Variants in RBFOX1 observed in about 807,000 individuals in gnomAD.
The protein encoded by RBFOX1 is RNA binding protein fox-1 homolog 1.
In RBFOX1, 8 loss-of-function variants were observed where a neutral mutation model predicts 57.7. The observed-to-expected ratio is 0.14, with a 90% confidence interval of 0.08 to 0.25. The LOEUF (loss-of-function observed/expected upper bound fraction) is 0.25, where lower values mean the gene tolerates loss of function less well. RBFOX1 is among the 10% of genes least tolerant of loss of function. RBFOX1 has a pLI of 1.00. For synonymous variants in RBFOX1, 326 were observed against 222.4 expected (o/e 1.47, Z -4.15); for missense variants, 611 against 548.5 (o/e 1.11, Z -1.14).
intron 4 of RBFOX1, among the ~76,000 whole-genome samples, chr16:7,070,111 G>T (rs2057013033): frequency 6.6e-6 from 1 of 152,110 alleles, no homozygotes. Flanking sequence ...TTATTGAATA[G>T]GTTTGCAAGC....
At chr16:6,813,361 C>A (rs1237838251) in intron 3 of RBFOX1, among the ~76,000 whole-genome samples, 4 of 152,158 alleles carry the variant, frequency 2.6e-5, no homozygotes, top group Non-Finnish European at 5.9e-5. Flanking sequence ...TCAGAAGCTG[C>A]TGCTTGTTGC....
At chr16:5,791,194 C>T (rs1395344278) in intron 3 of RBFOX1, among the ~76,000 whole-genome samples, 1 of 152,068 alleles carries the variant, frequency 6.6e-6, no homozygotes, top group African/African-American at 2.4e-5. Context: ...TCACGCATGA[C>T]TCAGCTAGAT....
chr16:7,703,559 G>C (rs775097799), intron 14 of RBFOX1, among the ~76,000 whole-genome samples: 3 of 152,174 alleles, frequency 2.0e-5, no homozygotes, highest in African/African-American at 7.2e-5. Context: ...AAATTAATTA[G>C]TGTTCTTACT....
At chr16:6,871,227 C>G (rs770182281) in intron 3 of RBFOX1, among the ~76,000 whole-genome samples, 2 of 152,170 alleles carry the variant, frequency 1.3e-5, no homozygotes, top group Non-Finnish European at 2.9e-5. Context: ...GCTCTGTCCC[C>G]CAGGCTGGAG....
chr16:5,932,664 T>G (rs1021313148), intron 4 of RBFOX1, among the ~76,000 whole-genome samples: 1 of 152,140 alleles, frequency 6.6e-6, no homozygotes, highest in Non-Finnish European at 1.5e-5. Flanking sequence ...TAAAATTAGG[T>G]CAGTTTCATC....
intron 1 of RBFOX1, among the ~76,000 whole-genome samples, chr16:5,391,045 A>C (rs901998078): frequency 2.0e-5 from 3 of 152,154 alleles, no homozygotes; most frequent in African/African-American, 7.2e-5. Flanking sequence ...GTGTCTTCTT[A>C]CTTCCCATCC....
intron 1 of RBFOX1, among the ~76,000 whole-genome samples, chr16:5,350,891 T>G (rs1240737756): frequency 6.6e-6 from 1 of 151,764 alleles, no homozygotes; most frequent in Non-Finnish European, 1.5e-5. Context: ...ATAATCATAA[T>G]CATAATCATA....
intron 4 of RBFOX1, among the ~76,000 whole-genome samples, chr16:7,152,783 G>A (rs1048615459): frequency 1.3e-5 from 2 of 152,188 alleles, no homozygotes; most frequent in South Asian, 2.1e-4. Context: ...GATATTTTAT[G>A]TCTAAGCATG....
intron 2 of RBFOX1, among the ~76,000 whole-genome samples, chr16:5,553,645 G>C (rs1381589496): frequency 2.0e-5 from 3 of 151,678 alleles, no homozygotes; most frequent in Non-Finnish European, 4.4e-5. Context: ...TGTGCAGTAA[G>C]CTAAAACCAT....
At chr16:6,157,592 C>A (rs1203368586) in intron 1 of RBFOX1, among the ~76,000 whole-genome samples, 2 of 152,104 alleles carry the variant, frequency 1.3e-5, no homozygotes, top group Non-Finnish European at 2.9e-5. Flanking sequence ...AATACCCAGC[C>A]ACCACTAACT....
intron 4 of RBFOX1, among the ~76,000 whole-genome samples, chr16:7,144,884 G>A (rs1375987899): frequency 6.6e-6 from 1 of 152,124 alleles, no homozygotes; most frequent in Non-Finnish European, 1.5e-5. Context: ...GTGTCTCCCT[G>A]GGGTCTCCAG....
chr16:7,261,241 G>C (rs1015731854), intron 4 of RBFOX1, among the ~76,000 whole-genome samples: 5 of 152,174 alleles, frequency 3.3e-5, no homozygotes, highest in African/African-American at 1.2e-4. Context: ...CAACTTTGTA[G>C]AATAGTTCTG....
intron 4 of RBFOX1, among the ~76,000 whole-genome samples, chr16:7,278,269 A>G (rs1388261392): frequency 1.3e-5 from 2 of 152,228 alleles, no homozygotes; most frequent in Non-Finnish European, 2.9e-5. Context: ...AATTGCAAGT[A>G]TACCAGCTAA....
intron 4 of RBFOX1, among the ~76,000 whole-genome samples, chr16:7,181,313 T>C (rs1020074423): frequency 6.6e-6 from 1 of 152,092 alleles, no homozygotes; most frequent in African/African-American, 2.4e-5. Context: ...GTAAAAGAAA[T>C]TCCATGTCAT....
chr16:6,379,416 CT>C (rs1437069441), intron 2 of RBFOX1, among the ~76,000 whole-genome samples: 5 of 152,138 alleles, frequency 3.3e-5, no homozygotes, highest in Non-Finnish European at 7.4e-5. Context: ...CCCCGCCCCC[CT>C]ACTTTCACTT....
chr16:6,501,694 C>G (rs577307801), intron 2 of RBFOX1, among the ~76,000 whole-genome samples: 1 of 152,146 alleles, frequency 6.6e-6, no homozygotes, highest in East Asian at 1.9e-4. Context: ...TGATCTCATT[C>G]TAAAACATTC....
At chr16:6,674,627 G>A (rs943170417) in intron 3 of RBFOX1, among the ~76,000 whole-genome samples, 1 of 151,996 alleles carries the variant, frequency 6.6e-6, no homozygotes, top group South Asian at 2.1e-4. Context: ...CAGCCCGAAT[G>A]GGCTCTTATA....
chr16:7,306,973 A>C (rs538082443), intron 4 of RBFOX1, among the ~76,000 whole-genome samples: 1 of 152,222 alleles, frequency 6.6e-6, no homozygotes, highest in Non-Finnish European at 1.5e-5. Flanking sequence ...ACAGAAGGGT[A>C]ATCTTTGATC....
At chr16:7,644,533 T>C (rs1366963276) in intron 11 of RBFOX1, among the ~76,000 whole-genome samples, 2 of 152,192 alleles carry the variant, frequency 1.3e-5, no homozygotes, top group African/African-American at 4.8e-5. Flanking sequence ...CACAGGCCGC[T>C]CCTTAGCAAC....
Sources: allele counts gnomAD v4.1 joint callset (sites outside exome capture counted in the v4.1 genomes callset), GRCh38; gene constraint gnomAD v4.1.1; transcripts MANE v1.5; gene names NCBI Gene and HGNC (gene_info 2026-07-23, HGNC 2026-07-21).